DSG1: variants seen among roughly 807,000 people sequenced by gnomAD.
The protein encoded by DSG1 is desmoglein 1, also known as desmoglein-1.
Under a neutral mutation model 97.5 loss-of-function variants are expected in DSG1, and 39 were observed. The observed-to-expected ratio is 0.40, with a 90% CI of 0.31 to 0.52. DSG1 has a LOEUF of 0.52. Among genes scored for constraint, DSG1 ranks in the 20% least tolerant of loss-of-function variants. The probability of loss-of-function intolerance (pLI) is 0.53; values close to 1 mark genes in which losing one functional copy is unlikely to be tolerated. For synonymous variants in DSG1, 475 were observed against 443.4 expected (o/e 1.07, Z -0.90); for missense variants, 1,311 against 1,295.4 (o/e 1.01, Z -0.18).
At chr18:31,324,085 T>C (rs1433162661) in intron 1 of DSG1, among the ~76,000 whole-genome samples, 3 of 144,776 alleles carry the variant, frequency 2.1e-5, no homozygotes, top group East Asian at 2.2e-4. Flanking sequence ...CTGGGTTCCA[T>C]TGATTCTCCT....
rs932491909 is a variant in DSG1 at position 31,318,230 on chromosome 18, G to A, written c.-71G>A. On this transcript the variant is annotated 5_prime_UTR_variant, in exon 1 of 15. Transcript: ENST00000257192. ...ATTTTAATCAGACACCAGCTGAGTG[G>A]GAGAAAGAAAAAGAACAGAGAAGAA... is the stretch of plus-strand genomic sequence containing the variant. The A allele has an allele frequency of 1.8e-5, 24 of 1,317,066 alleles. No homozygotes were observed. In the Middle Eastern group the frequency reaches 5.5e-4, roughly 30 times the overall value. 81.6% of individuals were successfully genotyped at this position (1,317,066 alleles called of 1,614,324 possible). A position where few individuals can be genotyped will look rare whatever the true frequency, so the allele number is the denominator to read the frequency against.
At chr18:31,335,195 G>T (rs1054711626) in intron 8 of DSG1, among the ~76,000 whole-genome samples, 2 of 152,040 alleles carry the variant, frequency 1.3e-5, no homozygotes, top group Admixed American at 1.3e-4. Context: ...TGCAAATTAG[G>T]TTATATTATT....
At chr18:31,353,799 A>G (rs2071925515) in intron 14 of DSG1, 1 of 172,112 alleles carries the variant, frequency 5.8e-6, no homozygotes, top group Non-Finnish European at 1.2e-5. Flanking sequence ...TGCGCTTCCC[A>G]AGTGAGGCAA....
intron 3 of DSG1, 78 bp downstream of exon 3, chr18:31,327,083 C>A (rs191131002): frequency 8.7e-5 from 135 of 1,556,484 alleles, no homozygotes; most frequent in Non-Finnish European, 1.2e-4. Flanking sequence ...CTAAATATTT[C>A]ATGAACATGT....
intron 3 of DSG1, 89 bp from the exon 4 acceptor site, chr18:31,328,100 C>T: frequency 7.2e-7 from 1 of 1,386,608 alleles, no homozygotes; most frequent in Non-Finnish European, 1.0e-6. Flanking sequence ...AAGGTCATCA[C>T]ATGCAACAAC....
chr18:31,325,201 T>C (rs2071678534), intron 1 of DSG1, among the ~76,000 whole-genome samples: 1 of 152,192 alleles, frequency 6.6e-6, no homozygotes, highest in Non-Finnish European at 1.5e-5. Context: ...AGTCTGACTG[T>C]ATGGTGAAAG....
At position 31,334,151 on chromosome 18, in the gene DSG1, T is replaced by G. The variant is rs2071737817; in HGVS notation, c.954T>G (p.Phe318Leu). The G allele has an allele frequency of 1.9e-6, 3 of 1,609,218 alleles. No homozygotes were observed. Among genetic ancestry groups the G allele is most frequent in the South Asian group, 1.1e-5 (1 of 90,952 alleles). ...TCTCTGGAAATGAAGGAAATTGGTT[T>G]GAGATAGAAATGAATGAAAGAACAA... ...FFISGNEGNW[F>L]EIEMNERTNV... The change falls in exon 8 of 15, where the codon TTT (phenylalanine) becomes TTG (leucine). Residue 318 changes from phenylalanine to leucine, a missense_variant. By Grantham distance (22) the Phe-to-Leu change is conservative. Around this residue, in one of 3 missense-constraint regions of DSG1, gnomAD observed 1,038 missense variants for 964.6 expected, o/e 1.08. Coordinates refer to ENST00000257192, the MANE Select transcript of DSG1 (RefSeq NM_001942.4).
rs536558833 is a variant in DSG1, at chr18:31,355,597, A to G, written c.*251A>G. On this transcript the variant is annotated 3_prime_UTR_variant, in exon 15 of 15. Transcript: ENST00000257192. ...TGAGGCAGAGTCTTCTTTGTGCCTG[A>G]GTGGCCTGTAGTCCATCTCCAGCAT... 2.5e-5 allele frequency: 13 copies of G among 523,604 alleles called. No homozygotes were observed. The East Asian group carries it at 4.3e-4, about 17-fold the overall frequency. 32.4% of individuals were successfully genotyped at this position (523,604 alleles called of 1,614,324 possible). A position where few individuals can be genotyped will look rare whatever the true frequency, so the allele number is the denominator to read the frequency against.
chr18:31,345,911 A>T, intron 13 of DSG1, 79 bp from the exon 14 acceptor site: 1 of 1,108,504 alleles, frequency 9.0e-7, no homozygotes, highest in South Asian at 1.4e-5. Flanking sequence ...TGAAAAAATC[A>T]CATATTACAA....
chr18:31,327,107 T>C, intron 3 of DSG1, 102 bp downstream of exon 3: 1 of 1,448,332 alleles, frequency 6.9e-7, no homozygotes, highest in South Asian at 1.2e-5. Flanking sequence ...ACCGAGAAGC[T>C]ACGATACAGA....
intron 1 of DSG1, among the ~76,000 whole-genome samples, chr18:31,323,938 G>A (rs959360077): frequency 4.2e-5 from 6 of 142,540 alleles, no homozygotes; most frequent in Non-Finnish European, 6.1e-5. Context: ...TGTTTCTTTC[G>A]CCATTCCTTC....
chr18:31,355,134 G>A lies in DSG1; in HGVS notation c.2938G>A (p.Val980Ile). 1 of 1,612,684 alleles carries A rather than the reference G, an allele frequency of 6.2e-7. No homozygotes were observed. Among genetic ancestry groups the A allele is most frequent in the Non-Finnish European group, 8.5e-7 (1 of 1,178,896 alleles). ...ISGGIGSSGL[V>I]GTSMGAGSGA... ...CGGTGGCATAGGCAGCAGTGGCCTG[G>A]TTGGCACCAGCATGGGTGCTGGGAG... The change falls in exon 15 of 15, where the codon GTT becomes ATT. Residue 980 changes from valine (V) to isoleucine (I), a missense_variant. Val to Ile is a conservative substitution (Grantham distance 29, BLOSUM62 3). Transcript: ENST00000257192.
intron 1 of DSG1, among the ~76,000 whole-genome samples, chr18:31,320,037 AAT>A (rs1169845481): frequency 1.3e-5 from 2 of 152,090 alleles, no homozygotes; most frequent in Admixed American, 6.6e-5. Flanking sequence ...CATGAATTAC[AAT>A]GTTTCATTTT....
chr18:31,333,443 C>T, intron 6 of DSG1, 146 bp from the exon 7 acceptor site: 4 of 890,100 alleles, frequency 4.5e-6, no homozygotes, highest in Middle Eastern at 2.9e-4. Context: ...TCATGTGAAA[C>T]TTGTGGATTT....
Position 31,326,430 on chromosome 18 carries a change from A to G in DSG1, c.49-151A>G, listed in dbSNP as rs2071686249. On this transcript the variant is annotated intron_variant, in intron 1 of 14. Coordinates refer to ENST00000257192, the MANE Select transcript of DSG1 (RefSeq NM_001942.4). ...TTAGCATCATCATCAGACCCAAGACATAAACCAAATCCACCTGCTATTTGG... is the reference window on the plus strand; with the variant it reads ...TTAGCATCATCATCAGACCCAAGACGTAAACCAAATCCACCTGCTATTTGG... 7.8e-6 allele frequency: 5 copies of G among 637,486 alleles called. No homozygotes were observed. The East Asian group carries it at 1.4e-4, about 18-fold the overall frequency. 39.5% of individuals were successfully genotyped at this position (637,486 alleles called of 1,614,324 possible). A position where few individuals can be genotyped will look rare whatever the true frequency, so the allele number is the denominator to read the frequency against.
chr18:31,327,975 A>G (rs925623102), intron 3 of DSG1, among the ~76,000 whole-genome samples: 2 of 152,274 alleles, frequency 1.3e-5, no homozygotes, highest in South Asian at 2.1e-4. Context: ...TGTTTCATAG[A>G]AGCAGAAACC....
chr18:31,332,070 TA>T (rs1168781307), intron 6 of DSG1, among the ~76,000 whole-genome samples: 2 of 152,240 alleles, frequency 1.3e-5, no homozygotes, highest in African/African-American at 4.8e-5. Flanking sequence ...ATTTTTCATA[TA>T]ATTAATTGAT....
intron 12 of DSG1, 57 bp downstream of exon 12, chr18:31,343,640 A>G: frequency 6.2e-7 from 1 of 1,612,748 alleles, no homozygotes; most frequent in Non-Finnish European, 8.5e-7. Flanking sequence ...CAGTCTTTAC[A>G]CATGAACCAA....
chr18:31,322,372 A>G (rs2071660018), intron 1 of DSG1, among the ~76,000 whole-genome samples: 1 of 152,218 alleles, frequency 6.6e-6, no homozygotes. Context: ...AAACATAGAA[A>G]TAATAATACT....
Sources: gnomAD v4.1 joint callset for allele counts (sites outside exome capture counted in the v4.1 genomes callset) on GRCh38, gnomAD v4.1.1 for gene constraint, gnomAD v4.1.1 regional missense constraint, MANE v1.5 for transcripts, NCBI Gene and HGNC (gene_info 2026-07-23, HGNC 2026-07-21) for gene names.